The following NAV1 variants were observed in gnomAD, a reference collection of about 807,000 sequenced individuals.
NAV1 encodes the protein neuron navigator 1.
In NAV1, 18 loss-of-function variants were observed where a neutral mutation model predicts 175.2. The observed-to-expected ratio is 0.10, with a 90% CI of 0.07 to 0.15. NAV1 has a LOEUF of 0.15. Among genes scored for constraint, NAV1 ranks in the 10% least tolerant of loss-of-function variants. The probability of loss-of-function intolerance (pLI) is 1.00; values close to 1 mark genes in which losing one functional copy is unlikely to be tolerated. For synonymous variants in NAV1, 897 were observed against 978.7 expected (o/e 0.92, Z 1.56); for missense variants, 1,731 against 2,436.6 (o/e 0.71, Z 6.10).
intron 2 of NAV1, among the ~76,000 whole-genome samples, chr1:201,589,406 G>A (rs1667126741): frequency 6.6e-6 from 1 of 152,224 alleles, no homozygotes; most frequent in Non-Finnish European, 1.5e-5. Context: ...TTAGTACCGT[G>A]TAGGGAAATG....
chr1:201,559,954 CCTT>C (rs1202968009), intron 1 of NAV1, among the ~76,000 whole-genome samples: 1 of 152,182 alleles, frequency 6.6e-6, no homozygotes, highest in Non-Finnish European at 1.5e-5. Context: ...CGTGTCCCCT[CCTT>C]CTCAGACTGG....
chr1:201,646,236 C>G, upstream of NAV1, among the ~76,000 whole-genome samples: 1 of 152,200 alleles, frequency 6.6e-6, no homozygotes, highest in East Asian at 1.9e-4. Context: ...TATCTGGAAC[C>G]ACGAACCCTA....
rs2102820870 is a variant in NAV1, at chr1:201,812,851, G to A, written c.5221+190G>A. On this transcript the variant is annotated intron_variant, in intron 27 of 29. Coordinates refer to ENST00000367296, the Ensembl canonical transcript of NAV1. This position sits in a 1 kb window ranked among gnomAD's most constrained non-coding sequence, Gnocchi z 4.6. ...TTAGCACCACTTCAATCACCAGAAA[G>A]CTAACCCCTCTCCTTGTTTTTTTCC... Among the ~76,000 whole-genome samples the A allele has an allele frequency of 6.6e-6, 1 of 152,270 alleles. No individual in the cohort carries two copies. Among genetic ancestry groups the A allele is most frequent in the South Asian group, 2.1e-4 (1 of 4,834 alleles).
intron 1 of NAV1, among the ~76,000 whole-genome samples, chr1:201,542,700 A>G (rs1270957821): frequency 6.6e-6 from 1 of 152,208 alleles, no homozygotes; most frequent in African/African-American, 2.4e-5. Context: ...TGTCCTGTGC[A>G]GTTCACACTA....
chr1:201,654,679 C>G (rs1407556876), intron 1 of NAV1, among the ~76,000 whole-genome samples: 1 of 152,106 alleles, frequency 6.6e-6, no homozygotes, highest in Non-Finnish European at 1.5e-5. Flanking sequence ...AAGTCCCTTT[C>G]TCTCTGCAGA....
At chr1:201,670,313 C>G (rs545722703) in intron 1 of NAV1, among the ~76,000 whole-genome samples, 1 of 133,852 alleles carries the variant, frequency 7.5e-6, no homozygotes, top group Non-Finnish European at 1.5e-5. Flanking sequence ...CCTGGGAGGC[C>G]GAGTTTGCAG....
chr1:201,785,604 T>C (rs984473039), intron 8 of NAV1, among the ~76,000 whole-genome samples: 11 of 152,090 alleles, frequency 7.2e-5, no homozygotes, highest in African/African-American at 2.7e-4. Flanking sequence ...ATCATGCACT[T>C]ACCTGTACTA....
intron 1 of NAV1, among the ~76,000 whole-genome samples, chr1:201,684,738 G>A (rs994573639): frequency 3.9e-5 from 6 of 151,926 alleles, no homozygotes; most frequent in African/African-American, 9.7e-5. Context: ...GCCTCCCAAA[G>A]TGCTGGGATT....
In NAV1 at chr1:201,740,225, T is replaced by C; in HGVS notation, c.1226+21470T>C. On this transcript the variant is annotated intron_variant, in intron 3 of 29. Coordinates refer to ENST00000367296, the Ensembl canonical transcript of NAV1. This position sits in a 1 kb window ranked among gnomAD's most constrained non-coding sequence, Gnocchi z 4.7. ...GTGGGGTCCGCAAGAAGGAGGGTCT[T>C]GGCCGCGCTCGCTTTTCCGCCAGAG... 4.4e-6 allele frequency: 3 copies of C among 686,970 alleles called. No individual in the cohort carries two copies. Among genetic ancestry groups the C allele is most frequent in the Non-Finnish European group, 4.6e-6 (2 of 432,736 alleles). The allele number at this position is 686,970 out of a possible 1,614,324, so 42.6% of individuals were successfully genotyped here.
Position 201,694,452 on chromosome 1 carries a change from G to A in NAV1, c.758-18365G>A, listed in dbSNP as rs1342173239. 6.6e-6 allele frequency among the ~76,000 whole-genome samples: 1 copy of A among 152,120 alleles called. No homozygotes were observed. The highest frequency in any genetic ancestry group is 1.5e-5 in the Non-Finnish European group (1 of 68,020). On this transcript the variant is annotated intron_variant, in intron 1 of 29. Transcript: ENST00000367296. This position sits in a 1 kb window ranked among gnomAD's most constrained non-coding sequence, Gnocchi z 4.2. ...ATTAAAGATAGATGACCCTGGGGAG[G>A]GTGAGGGCCGGGGTCACCAGCTGCT... is the stretch of plus-strand genomic sequence containing the variant.
At chr1:201,737,963 G>C (rs1396298053) in intron 3 of NAV1, among the ~76,000 whole-genome samples, 1 of 152,174 alleles carries the variant, frequency 6.6e-6, no homozygotes, top group African/African-American at 2.4e-5. Flanking sequence ...AGCCTCCCTA[G>C]AGAACTCATT....
chr1:201,786,249 G>A (rs539495825), intron 8 of NAV1, among the ~76,000 whole-genome samples, 180 bp from the exon 13 acceptor site: 3 of 152,252 alleles, frequency 2.0e-5, no homozygotes, highest in South Asian at 2.1e-4. Flanking sequence ...GATGGTCTGG[G>A]AGAGGAGGCT....
intron 1 of NAV1, among the ~76,000 whole-genome samples, chr1:201,680,006 C>T (rs1306385010): frequency 6.6e-6 from 1 of 152,148 alleles, no homozygotes; most frequent in African/African-American, 2.4e-5. Context: ...TTAGTCTGTT[C>T]TGCATTGCTA....
intron 15 of NAV1, among the ~76,000 whole-genome samples, chr1:201,799,883 T>C (rs1485281257): frequency 6.6e-6 from 1 of 151,688 alleles, no homozygotes; most frequent in African/African-American, 2.4e-5. Flanking sequence ...AAAAGTACTA[T>C]ATAGTGTATT....
At chr1:201,551,883 C>A (rs1665865244) in intron 1 of NAV1, among the ~76,000 whole-genome samples, 1 of 152,288 alleles carries the variant, frequency 6.6e-6, no homozygotes, top group Non-Finnish European at 1.5e-5. Context: ...TAAGCCGGCC[C>A]CTCCCAATTT....
chr1:201,703,499 C>A (rs763452279), intron 1 of NAV1, among the ~76,000 whole-genome samples: 4 of 152,196 alleles, frequency 2.6e-5, no homozygotes, highest in African/African-American at 9.7e-5. Context: ...GGATAGCAAA[C>A]TAGCACTCCT....
intron 3 of NAV1, among the ~76,000 whole-genome samples, chr1:201,772,977 G>A (rs773625855): frequency 2.7e-5 from 4 of 150,310 alleles, no homozygotes; most frequent in African/African-American, 4.9e-5. Flanking sequence ...AGCTTGCAGT[G>A]AGCCGAGATC....
chr1:201,810,554 G>T lies in NAV1; in HGVS notation c.4593G>T (p.Val1531=). The T allele has an allele frequency of 6.2e-7, 1 of 1,612,804 alleles. No homozygotes were observed. The highest frequency in any genetic ancestry group is 8.5e-7 in the Non-Finnish European group (1 of 1,179,408). Residue 1531 remains valine, a synonymous_variant, in exon 24 of 30, where the codon GTG becomes GTT. Coordinates refer to ENST00000367296, the Ensembl canonical transcript of NAV1. The surrounding 1 kb of genome is among the most constrained non-coding windows in gnomAD (Gnocchi z 6.0). The stretch of plus-strand genomic sequence containing the variant: ...AGGAGAAATGCGTCGACAGCCTGGT[G>T]TTCGAGACGCTGATCCCCAAGCCGA...
At chr1:201,758,281 T>C (rs976930009) in intron 3 of NAV1, among the ~76,000 whole-genome samples, 4 of 152,228 alleles carry the variant, frequency 2.6e-5, no homozygotes, top group Non-Finnish European at 5.9e-5. Context: ...CGATTTCTTT[T>C]CTTCCCATTC....
Sources: allele counts gnomAD v4.1 joint callset (sites outside exome capture counted in the v4.1 genomes callset), GRCh38; gene constraint gnomAD v4.1.1; non-coding constraint Gnocchi (gnomAD v3.1); transcripts MANE v1.5; gene names NCBI Gene and HGNC (gene_info 2026-07-23, HGNC 2026-07-21).